The following NRDC variants were observed in gnomAD, a reference collection of about 807,000 sequenced individuals.
The protein encoded by NRDC is nardilysin convertase.
A neutral mutation model predicts 147.1 loss-of-function variants in NRDC; 54 were observed. The ratio of observed to expected loss-of-function variants is 0.37; its 90% CI spans 0.29 to 0.46. The LOEUF (loss-of-function observed/expected upper bound fraction) is 0.46, where lower values mean the gene tolerates loss of function less well. Among genes scored for constraint, NRDC ranks in the 20% least tolerant of loss-of-function variants. The pLI, the probability that NRDC is intolerant of heterozygous loss-of-function variation, is 1.00. For missense variants in NRDC, 1,082 were observed against 1,370.6 expected (o/e 0.79, Z 3.33); for synonymous variants, 440 against 482.1 (o/e 0.91, Z 1.14).
rs77851381 is a variant in NRDC at position 51,859,177 on chromosome 1, T to C, written c.342-18663A>G. Among the ~76,000 whole-genome samples, 72 of 152,354 alleles carry C rather than the reference T, an allele frequency of 4.7e-4. 3 individuals are homozygous for C. The East Asian group carries it at 0.013, about 28-fold the overall frequency. Reference sequence around the variant, plus strand: ...GGTAATGGAAGAATGATAGTCTGAATGGGGAAAAGAAAAACTATTCAAAAG... The same window carrying C: ...GGTAATGGAAGAATGATAGTCTGAACGGGGAAAAGAAAAACTATTCAAAAG... On this transcript the variant is annotated intron_variant, in intron 1 of 30. Coordinates refer to ENST00000352171, the MANE Select transcript of NRDC (RefSeq NM_001101662.2).
chr1:51,814,446 G>A, intron 13 of NRDC, 105 bp downstream of exon 13: 1 of 1,055,992 alleles, frequency 9.5e-7, no homozygotes, highest in Non-Finnish European at 1.4e-6. Flanking sequence ...AGCAGAAAAT[G>A]CCTGAAAAAC....
At position 51,791,665 on chromosome 1, in the gene NRDC, C is replaced by CAA; in HGVS notation, c.2877-6_2877-5dup. ...ACAGGTAGGGTAGACATGGTACCTA[C>CAA]AAGCCAGAGAGAAAAGTTATATGAG... On this transcript the variant is annotated splice_polypyrimidine_tract_variant and splice_region_variant and intron_variant, in intron 26 of 30. Coordinates refer to ENST00000352171, the MANE Select transcript of NRDC (RefSeq NM_001101662.2). 6.2e-7 allele frequency: 1 copy of CAA among 1,611,686 alleles called. No individual in the cohort carries two copies. The highest frequency in any genetic ancestry group is 2.2e-5 in the East Asian group (1 of 44,866).
intron 1 of NRDC, among the ~76,000 whole-genome samples, chr1:51,870,888 C>T (rs1683053828): frequency 6.6e-6 from 1 of 151,798 alleles, no homozygotes; most frequent in Non-Finnish European, 1.5e-5. Context: ...TTCTTTTTTT[C>T]TCAAGCAAGA....
intron 18 of NRDC, among the ~76,000 whole-genome samples, chr1:51,806,289 T>A (rs1428571987): frequency 6.6e-6 from 1 of 152,246 alleles, no homozygotes; most frequent in Non-Finnish European, 1.5e-5. Context: ...GCTATCTGTC[T>A]ATGAATAATT....
chr1:51,869,312 ATTG>A (rs1682970434), intron 1 of NRDC, among the ~76,000 whole-genome samples: 1 of 150,542 alleles, frequency 6.6e-6, no homozygotes, highest in African/African-American at 2.4e-5. Context: ...ATACTTCTTT[ATTG>A]TTATTTAACA....
intron 20 of NRDC, 87 bp from the exon 21 acceptor site, chr1:51,800,770 G>A (rs942509443): frequency 7.3e-7 from 1 of 1,369,960 alleles, no homozygotes; most frequent in African/African-American, 1.4e-5. Context: ...GTTTTTACCA[G>A]GTACCCAGCA....
intron 1 of NRDC, among the ~76,000 whole-genome samples, chr1:51,847,961 T>G (rs1011495861): frequency 6.6e-6 from 1 of 152,234 alleles, no homozygotes; most frequent in Non-Finnish European, 1.5e-5. Flanking sequence ...CATTTATGAT[T>G]TGTACAATAA....
chr1:51,810,885 A>G (rs938400940), intron 15 of NRDC, among the ~76,000 whole-genome samples: 1 of 152,224 alleles, frequency 6.6e-6, no homozygotes, highest in Non-Finnish European at 1.5e-5. Context: ...GCAAAAGTGG[A>G]GTTCTAACTA....
intron 1 of NRDC, among the ~76,000 whole-genome samples, chr1:51,854,629 C>T (rs1682144937): frequency 6.6e-6 from 1 of 152,168 alleles, no homozygotes; most frequent in Admixed American, 6.5e-5. Flanking sequence ...GTAACAGTAA[C>T]AACAGCCAAG....
At chr1:51,871,916 C>T (rs1462162577) in intron 1 of NRDC, among the ~76,000 whole-genome samples, 1 of 152,096 alleles carries the variant, frequency 6.6e-6, no homozygotes, top group African/African-American at 2.4e-5. Flanking sequence ...TGTTGCCCAG[C>T]CTAGAGTGCA....
intron 16 of NRDC, 63 bp downstream of exon 16, chr1:51,810,218 G>C: frequency 3.1e-6 from 4 of 1,269,918 alleles, no homozygotes; most frequent in East Asian, 5.3e-5. Context: ...AATTATTAAA[G>C]AATAAACATT....
intron 15 of NRDC, among the ~76,000 whole-genome samples, chr1:51,810,735 T>C (rs879287770): frequency 2.6e-5 from 4 of 152,216 alleles, no homozygotes; most frequent in Non-Finnish European, 5.9e-5. Flanking sequence ...GTATTTAACA[T>C]ACATTATTTC....
At chr1:51,812,506 C>T (rs1426306680) in intron 14 of NRDC, among the ~76,000 whole-genome samples, 4 of 151,040 alleles carry the variant, frequency 2.6e-5, no homozygotes, top group East Asian at 1.9e-4. Flanking sequence ...CCAGCATGGG[C>T]AACAAAGCAA....
intron 2 of NRDC, among the ~76,000 whole-genome samples, chr1:51,838,867 T>TATA (rs1557921651): frequency 6.6e-6 from 1 of 152,120 alleles, no homozygotes. Context: ...AAGTGACATA[T>TATA]ATATACCTTT....
chr1:51,832,548 A>G (rs1230252325), intron 4 of NRDC, among the ~76,000 whole-genome samples: 1 of 152,180 alleles, frequency 6.6e-6, no homozygotes, highest in Non-Finnish European at 1.5e-5. Flanking sequence ...AGCTTACATT[A>G]TACTAGACAA....
At chr1:51,794,770 G>C in intron 23 of NRDC, 53 bp downstream of exon 23, 1 of 1,604,290 alleles carries the variant, frequency 6.2e-7, no homozygotes, top group Non-Finnish European at 8.5e-7. Flanking sequence ...GTGGCTCCAT[G>C]CCCTCTCGCT....
At chr1:51,843,923 T>C (rs1281407285) in intron 1 of NRDC, among the ~76,000 whole-genome samples, 1 of 151,816 alleles carries the variant, frequency 6.6e-6, no homozygotes, top group Non-Finnish European at 1.5e-5. Flanking sequence ...AAGGTGCATT[T>C]TTTTTCCAGC....
chr1:51,809,117 A>G (rs1179629672), intron 17 of NRDC, among the ~76,000 whole-genome samples, 198 bp downstream of exon 17: 6 of 152,244 alleles, frequency 3.9e-5, no homozygotes, highest in Non-Finnish European at 8.8e-5. Flanking sequence ...CCAACTGAAT[A>G]GTCTTGTACC....
Position 51,814,545 on chromosome 1 carries a change from T to C in NRDC, c.1619+6A>G, listed in dbSNP as rs1222623013. 6.2e-7 allele frequency: 1 copy of C among 1,613,372 alleles called. No homozygotes were observed. The highest frequency in any genetic ancestry group is 1.1e-5 in the South Asian group (1 of 91,048). On this transcript the variant is annotated splice_donor_region_variant and intron_variant, in intron 13 of 30. Transcript: ENST00000352171. ...TCCTGGCCTCATTCCAGGAAGTGTT[T>C]ATTACCTTTTTTCTGGGCCTAGCTT...
Sources: gnomAD v4.1 joint callset for allele counts (sites outside exome capture counted in the v4.1 genomes callset) on GRCh38, gnomAD v4.1.1 for gene constraint, MANE v1.5 for transcripts, NCBI Gene and HGNC (gene_info 2026-07-23, HGNC 2026-07-21) for gene names.